Variants in ADGRF5 observed in about 807,000 individuals in gnomAD.
ADGRF5 encodes the protein adhesion G protein-coupled receptor F5.
In ADGRF5, 75 loss-of-function variants were observed where a neutral mutation model predicts 132.3. The ratio of observed to expected loss-of-function variants is 0.57; its 90% confidence interval spans 0.47 to 0.69. The LOEUF (loss-of-function observed/expected upper bound fraction) is 0.69. ADGRF5 is among the 30% of genes least tolerant of loss of function. ADGRF5 has a pLI of 0.00. For missense variants in ADGRF5, 1,516 were observed against 1,630.6 expected, an observed-to-expected ratio of 0.93 and a Z score of 1.21; for synonymous variants, 629 against 597.6, an observed-to-expected ratio of 1.05 and a Z score of -0.77.
chr6:46,887,294 A>G (rs938804361), intron 4 of ADGRF5, among the ~76,000 whole-genome samples: 1 of 152,224 alleles, frequency 6.6e-6, no homozygotes, highest in African/African-American at 2.4e-5. Context: ...TAAAGGCAAA[A>G]GATCTGTGCC....
intron 15 of ADGRF5, among the ~76,000 whole-genome samples, chr6:46,862,289 C>T (rs1237426975): frequency 6.6e-6 from 1 of 152,120 alleles, no homozygotes; most frequent in Admixed American, 6.5e-5. Context: ...AGGAGTCTAA[C>T]AACAAATCAA....
intron 1 of ADGRF5, among the ~76,000 whole-genome samples, chr6:46,907,236 G>A (rs905026365): frequency 6.6e-6 from 1 of 152,156 alleles, no homozygotes; most frequent in African/African-American, 2.4e-5. Flanking sequence ...CCATTAGTAT[G>A]AAAACTGCTG....
At chr6:46,861,283 C>G (rs543776658) in intron 15 of ADGRF5, among the ~76,000 whole-genome samples, 2 of 152,336 alleles carry the variant, frequency 1.3e-5, no homozygotes, top group South Asian at 4.1e-4. Flanking sequence ...ATTAAAGTGA[C>G]TGACCCTTCC....
intron 10 of ADGRF5, among the ~76,000 whole-genome samples, chr6:46,877,292 T>A (rs1771855297): frequency 2.2e-5 from 1 of 45,302 alleles, no homozygotes; most frequent in Admixed American, 1.9e-4. Context: ...TCTTTCTTTC[T>A]CTCTCTCTCT....
chr6:46,870,681 T>C (rs183116755), intron 11 of ADGRF5: 1 of 224,452 alleles, frequency 4.5e-6, no homozygotes, highest in Admixed American at 6.0e-5. Flanking sequence ...ATGAATTTGG[T>C]CCTCTTGATT....
rs150198984 is a variant in ADGRF5 at position 46,946,985 on chromosome 6, C to A, written c.-25+7749G>T. Among the ~76,000 whole-genome samples, 597 of 152,288 alleles carry A rather than the reference C, an allele frequency of 3.9e-3. 3 individuals carry two copies. The highest frequency in any genetic ancestry group is 0.014 in the African/African-American group (571 of 41,560). ...TAATCTTTACTGGCCTTAGACCATA[C>A]AAATATCTGGCTTCTTTGCACTCTC... is the stretch of plus-strand genomic sequence containing the variant. On this transcript the variant is annotated intron_variant, in intron 1 of 20. Transcript: ENST00000265417.
intron 1 of ADGRF5, among the ~76,000 whole-genome samples, chr6:46,920,384 G>T (rs1239282457): frequency 6.6e-6 from 1 of 152,066 alleles, no homozygotes; most frequent in Non-Finnish European, 1.5e-5. Flanking sequence ...TCACTGAGAG[G>T]AAGGAGTTTA....
rs3030416 is a variant in ADGRF5 at position 46,910,007 on chromosome 6, C to CAATAAAATAAAATAA, written c.-24-3236_-24-3222dup. 9.8e-4 allele frequency among the ~76,000 whole-genome samples: 146 copies of CAATAAAATAAAATAA among 148,602 alleles called. 1 individual carries two copies. The highest frequency in any genetic ancestry group is 3.3e-3 in the African/African-American group (133 of 40,212). On this transcript the variant is annotated intron_variant, in intron 1 of 20. Transcript: ENST00000283296. The stretch of plus-strand genomic sequence containing the variant: ...TCTAACAGAGCAAGACCCTATCTCT[C>CAATAAAATAAAATAA]AATAAAATAAAATAAAATAAAATAA...
chr6:46,896,119 C>CA (rs1219479484), intron 3 of ADGRF5, among the ~76,000 whole-genome samples: 6 of 152,154 alleles, frequency 3.9e-5, no homozygotes, highest in African/African-American at 1.4e-4. Context: ...GCTGGTCTCC[C>CA]AGGCACTAAT....
chr6:46,864,269 A>G (rs1161657287), intron 14 of ADGRF5, among the ~76,000 whole-genome samples: 1 of 152,148 alleles, frequency 6.6e-6, no homozygotes, highest in Non-Finnish European at 1.5e-5. Flanking sequence ...CTTTCACCTC[A>G]AAGATATTAT....
chr6:46,896,462 C>A (rs1420869932), intron 3 of ADGRF5, among the ~76,000 whole-genome samples: 4 of 152,126 alleles, frequency 2.6e-5, no homozygotes, highest in African/African-American at 9.7e-5. Flanking sequence ...AATACCTTCT[C>A]TGGACTGGAG....
At chr6:46,910,359 T>C (rs1055580546) in intron 1 of ADGRF5, among the ~76,000 whole-genome samples, 2 of 152,154 alleles carry the variant, frequency 1.3e-5, no homozygotes, top group Non-Finnish European at 2.9e-5. Context: ...TGGGTAATAA[T>C]TGCCAGTGGT....
At chr6:46,885,821 T>C in intron 4 of ADGRF5, among the ~76,000 whole-genome samples, 1 of 152,222 alleles carries the variant, frequency 6.6e-6, no homozygotes, top group Non-Finnish European at 1.5e-5. Flanking sequence ...AGAAGTTTAT[T>C]TTCATATAAC....
At chr6:46,947,676 CTTCGGACA>C (rs1380444623) in intron 1 of ADGRF5, among the ~76,000 whole-genome samples, 1 of 152,246 alleles carries the variant, frequency 6.6e-6, no homozygotes, top group Non-Finnish European at 1.5e-5. Flanking sequence ...CCAGGCCCCA[CTTCGGACA>C]TTCGCAACCT....
chr6:46,870,814 G>A (rs745484358), intron 11 of ADGRF5: 3 of 434,764 alleles, frequency 6.9e-6, no homozygotes, highest in Middle Eastern at 3.3e-4. Flanking sequence ...AGAATGATTA[G>A]TTTTACCTGA....
intron 3 of ADGRF5, among the ~76,000 whole-genome samples, chr6:46,891,679 C>G (rs1215601281): frequency 6.6e-6 from 1 of 152,168 alleles, no homozygotes; most frequent in Non-Finnish European, 1.5e-5. Flanking sequence ...TCAGTCACAA[C>G]TGAAGAACAA....
chr6:46,884,335 A>G (rs1772824317), intron 4 of ADGRF5, 64 bp from the exon 5 acceptor site: 1 of 1,296,738 alleles, frequency 7.7e-7, no homozygotes, highest in African/African-American at 1.5e-5. Context: ...ATTTGTATTT[A>G]TAGCCTGCAG....
intron 3 of ADGRF5, among the ~76,000 whole-genome samples, chr6:46,890,656 G>A (rs1288801964): frequency 6.6e-6 from 1 of 152,034 alleles, no homozygotes; most frequent in South Asian, 2.1e-4. Context: ...GGCAGAGGTT[G>A]CAGTGAGCTG....
At position 46,876,713 on chromosome 6, in the gene ADGRF5, C is replaced by T. The variant is rs191872943; in HGVS notation, c.1240+1489G>A. 1.8e-3 allele frequency among the ~76,000 whole-genome samples: 277 copies of T among 152,296 alleles called. 1 individual carries two copies. Among genetic ancestry groups the T allele is most frequent in the Non-Finnish European group, 3.0e-3 (204 of 68,024 alleles). On this transcript the variant is annotated intron_variant, in intron 10 of 20. Coordinates refer to ENST00000283296, the MANE Select transcript of ADGRF5 (RefSeq NM_001098518.2). ...CGGCCTCTCGGGTTCAAGTGATTCT[C>T]CTGCCTCAGCCTCCCAAGTAGCTGG... is the stretch of plus-strand genomic sequence containing the variant.
Sources: gnomAD v4.1 joint callset for allele counts (sites outside exome capture counted in the v4.1 genomes callset) on GRCh38, gnomAD v4.1.1 for gene constraint, MANE v1.5 for transcripts, NCBI Gene and HGNC (gene_info 2026-07-23, HGNC 2026-07-21) for gene names.